Variants in UNC5D observed in about 807,000 individuals in gnomAD.
UNC5D encodes unc-5 netrin receptor D.
Under a neutral mutation model 105.4 loss-of-function variants are expected in UNC5D, and 39 were observed. The observed-to-expected ratio is 0.37, with a 90% CI of 0.29 to 0.48. UNC5D has a LOEUF of 0.48. Among genes scored for constraint, UNC5D ranks in the 20% least tolerant of loss-of-function variants. The pLI, the probability that UNC5D is intolerant of heterozygous loss-of-function variation, is 0.98. For synonymous variants in UNC5D, 452 were observed against 450.4 expected (o/e 1.00, Z -0.04); for missense variants, 991 against 1,202.4 (o/e 0.82, Z 2.60).
At chr8:35,771,014 T>A (rs1171653384) in intron 15 of UNC5D, among the ~76,000 whole-genome samples, 1 of 152,212 alleles carries the variant, frequency 6.6e-6, no homozygotes, top group Admixed American at 6.5e-5. Context: ...TTGGCCCAGA[T>A]GTCTTTTAGA....
intron 3 of UNC5D, among the ~76,000 whole-genome samples, chr8:35,569,375 G>A (rs1176010439): frequency 6.6e-6 from 1 of 152,210 alleles, no homozygotes; most frequent in Non-Finnish European, 1.5e-5. Flanking sequence ...AGAGTGTCAT[G>A]AAGAATACAG....
chr8:35,764,781 G>A (rs1174034310), intron 14 of UNC5D, among the ~76,000 whole-genome samples: 2 of 152,180 alleles, frequency 1.3e-5, no homozygotes, highest in Non-Finnish European at 2.9e-5. Flanking sequence ...CATTAGCTTG[G>A]TGCCTCTTCC....
At chr8:35,688,383 C>A (rs1826166864) in intron 7 of UNC5D, among the ~76,000 whole-genome samples, 1 of 152,300 alleles carries the variant, frequency 6.6e-6, no homozygotes, top group East Asian at 1.9e-4. Context: ...ACTGAATACC[C>A]TTGAAGGCAG....
intron 4 of UNC5D, among the ~76,000 whole-genome samples, chr8:35,675,585 G>C (rs143224934): frequency 2.6e-5 from 4 of 152,262 alleles, no homozygotes; most frequent in Non-Finnish European, 5.9e-5. Flanking sequence ...GAAATGAAGT[G>C]TAGGAGCACA....
intron 7 of UNC5D, among the ~76,000 whole-genome samples, chr8:35,704,515 C>T (rs1380510486): frequency 2.0e-5 from 3 of 152,206 alleles, no homozygotes; most frequent in Non-Finnish European, 4.4e-5. Context: ...AGTTTCACCT[C>T]ACATGGCTCA....
intron 1 of UNC5D, among the ~76,000 whole-genome samples, chr8:35,441,738 A>C (rs1312003904): frequency 6.6e-6 from 1 of 151,588 alleles, no homozygotes; most frequent in Non-Finnish European, 1.5e-5. Flanking sequence ...ATCATAGAGT[A>C]GGTTAATGAG....
At chr8:35,353,604 T>C (rs1219482915) in intron 1 of UNC5D, among the ~76,000 whole-genome samples, 1 of 152,160 alleles carries the variant, frequency 6.6e-6, no homozygotes, top group Non-Finnish European at 1.5e-5. Context: ...ACAACATTGT[T>C]GGTAAAAAGC....
chr8:35,546,181 G>T (rs1488963585), intron 1 of UNC5D, among the ~76,000 whole-genome samples: 1 of 152,184 alleles, frequency 6.6e-6, no homozygotes, highest in African/African-American at 2.4e-5. Flanking sequence ...ACAGACATGA[G>T]TTGTGCCTGG....
chr8:35,704,103 AATT>A (rs1328583677), intron 7 of UNC5D, among the ~76,000 whole-genome samples: 1 of 152,130 alleles, frequency 6.6e-6, no homozygotes, highest in East Asian at 1.9e-4. Context: ...AACATCAACA[AATT>A]ATTATCTTTT....
intron 11 of UNC5D, among the ~76,000 whole-genome samples, chr8:35,734,613 T>C (rs1313000210): frequency 1.3e-5 from 2 of 152,004 alleles, no homozygotes; most frequent in African/African-American, 4.8e-5. Context: ...TTTCTCTATG[T>C]TGGTCAGGCT....
At position 35,770,637 on chromosome 8, in the gene UNC5D, A is replaced by T. The variant is rs571937501; in HGVS notation, c.2478+3571A>T. ...ACAGTCTAAAATTGCAGACTGGAAT[A>T]AAACAATTTTGCAAATATTGAAGAG... On this transcript the variant is annotated intron_variant, in intron 15 of 16. Transcript: ENST00000404895. Among the ~76,000 whole-genome samples, 8 of 152,344 alleles carry T rather than the reference A, an allele frequency of 5.3e-5. No homozygotes were observed. In the East Asian group the frequency reaches 1.5e-3, roughly 29 times the overall value.
chr8:35,326,729 C>A (rs1184094273), intron 1 of UNC5D, among the ~76,000 whole-genome samples: 1 of 151,748 alleles, frequency 6.6e-6, no homozygotes, highest in Non-Finnish European at 1.5e-5. Flanking sequence ...GCACTCCAAC[C>A]TGGGTGACGG....
intron 1 of UNC5D, among the ~76,000 whole-genome samples, chr8:35,433,497 C>T (rs374751718): frequency 2.6e-5 from 4 of 151,698 alleles, no homozygotes; most frequent in Non-Finnish European, 5.9e-5. Flanking sequence ...ATCAACTCCC[C>T]CTTCAAAAAA....
chr8:35,547,573 A>G (rs1815787012), intron 1 of UNC5D, among the ~76,000 whole-genome samples: 1 of 152,208 alleles, frequency 6.6e-6, no homozygotes, highest in African/African-American at 2.4e-5. Context: ...TGTTGGGATT[A>G]CAGGCGTAAG....
chr8:35,442,936 A>AC (rs1210252115), intron 1 of UNC5D, among the ~76,000 whole-genome samples: 3 of 135,192 alleles, frequency 2.2e-5, no homozygotes, highest in African/African-American at 8.6e-5. Flanking sequence ...ACACACACAC[A>AC]ACACACACAC....
intron 3 of UNC5D, among the ~76,000 whole-genome samples, chr8:35,586,992 G>T (rs951321158): frequency 2.6e-5 from 4 of 152,176 alleles, no homozygotes; most frequent in Non-Finnish European, 4.4e-5. Context: ...AGGGCATGGG[G>T]TGAGGAAGGG....
chr8:35,611,844 C>G (rs1820706014), intron 4 of UNC5D, among the ~76,000 whole-genome samples: 1 of 152,166 alleles, frequency 6.6e-6, no homozygotes, highest in Non-Finnish European at 1.5e-5. Context: ...AATGGAAAAT[C>G]TATCTTTCAT....
At position 35,792,939 on chromosome 8, in the gene UNC5D, C is replaced by T. The variant is rs759716726; in HGVS notation, c.*2376C>T. ...AAGATGAGACAAGATTATTGTCAAT[C>T]CCTGAATGTCTGGAGTTACCTCCCA... On this transcript the variant is annotated 3_prime_UTR_variant, in exon 17 of 17. Coordinates refer to ENST00000404895, the MANE Select transcript of UNC5D (RefSeq NM_080872.4). 2.3e-6 allele frequency: 1 copy of T among 439,958 alleles called. No homozygotes were observed. Among genetic ancestry groups the T allele is most frequent in the Non-Finnish European group, 4.5e-6 (1 of 222,850 alleles). 27.3% of individuals were successfully genotyped at this position (439,958 alleles called of 1,614,324 possible).
chr8:35,675,508 G>T (rs1825147971), intron 4 of UNC5D, among the ~76,000 whole-genome samples: 1 of 152,148 alleles, frequency 6.6e-6, no homozygotes, highest in African/African-American at 2.4e-5. Flanking sequence ...AGCTGAGGTT[G>T]CATCTATAAT....
Sources: allele counts gnomAD v4.1 joint callset (sites outside exome capture counted in the v4.1 genomes callset), GRCh38; gene constraint gnomAD v4.1.1; transcripts MANE v1.5; gene names NCBI Gene and HGNC (gene_info 2026-07-23, HGNC 2026-07-21).